Variants in PXDNL observed in about 807,000 individuals in gnomAD.
PXDNL encodes the protein peroxidasin like.
A neutral mutation model predicts 150.8 loss-of-function variants in PXDNL; 145 were observed. The observed-to-expected ratio is 0.96, with a 90% CI of 0.84 to 1.10. PXDNL has a LOEUF of 1.10. PXDNL is among the 50% of genes least tolerant of loss of function. PXDNL has a pLI of 0.00. For missense variants in PXDNL, 2,087 were observed against 1,873.9 expected, an observed-to-expected ratio of 1.11 and a Z score of -2.10; for synonymous variants, 757 against 725.7, an observed-to-expected ratio of 1.04 and a Z score of -0.69.
At chr8:51,459,082 A>G (rs1810005637) in intron 8 of PXDNL, among the ~76,000 whole-genome samples, 1 of 152,246 alleles carries the variant, frequency 6.6e-6, no homozygotes, top group African/African-American at 2.4e-5. Flanking sequence ...GCTCCTATCC[A>G]TATCACCCGT....
chr8:51,652,399 TC>T (rs1815058483), intron 2 of PXDNL, among the ~76,000 whole-genome samples: 5 of 151,360 alleles, frequency 3.3e-5, no homozygotes, highest in African/African-American at 7.3e-5. Flanking sequence ...TCTCTCTCTC[TC>T]TCTCTTACTG....
At chr8:51,582,891 A>T (rs541915469) in intron 3 of PXDNL, among the ~76,000 whole-genome samples, 1 of 149,570 alleles carries the variant, frequency 6.7e-6, no homozygotes, top group African/African-American at 2.5e-5. Context: ...TCAAAAAAAA[A>T]ATCCTGGTAA....
intron 10 of PXDNL, among the ~76,000 whole-genome samples, chr8:51,450,047 G>A (rs966063152): frequency 6.6e-6 from 1 of 152,230 alleles, no homozygotes; most frequent in Non-Finnish European, 1.5e-5. Flanking sequence ...GATTATTTAC[G>A]AGTTTTCTGG....
intron 5 of PXDNL, among the ~76,000 whole-genome samples, chr8:51,493,889 A>T (rs1810966072): frequency 6.6e-6 from 1 of 152,262 alleles, no homozygotes; most frequent in African/African-American, 2.4e-5. Flanking sequence ...TTCCCAATCT[A>T]GCAAGGCAGG....
At chr8:51,732,727 CACA>C (rs1816957988) in intron 1 of PXDNL, among the ~76,000 whole-genome samples, 1 of 152,168 alleles carries the variant, frequency 6.6e-6, no homozygotes, top group Admixed American at 6.5e-5. Flanking sequence ...GAAGCAAAGA[CACA>C]TCTTACATGG....
At chr8:51,373,777 A>G (rs993052427) in intron 18 of PXDNL, among the ~76,000 whole-genome samples, 2 of 152,326 alleles carry the variant, frequency 1.3e-5, no homozygotes, top group Non-Finnish European at 2.9e-5. Context: ...CAGATTCACA[A>G]GATTCCTAGA....
intron 1 of PXDNL, among the ~76,000 whole-genome samples, chr8:51,779,653 G>A (rs1276440957): frequency 3.9e-5 from 6 of 152,202 alleles, no homozygotes; most frequent in African/African-American, 1.4e-4. Flanking sequence ...CCAAGTATGT[G>A]TGCCCATAAA....
At chr8:51,335,570 C>T (rs1247554083) in intron 21 of PXDNL, among the ~76,000 whole-genome samples, 3 of 152,022 alleles carry the variant, frequency 2.0e-5, no homozygotes, top group East Asian at 1.9e-4. Flanking sequence ...TGTAGTACCT[C>T]GAGTACATGC....
At chr8:51,756,345 T>C (rs1365777223) in intron 1 of PXDNL, among the ~76,000 whole-genome samples, 2 of 139,890 alleles carry the variant, frequency 1.4e-5, no homozygotes, top group Admixed American at 7.7e-5. Context: ...TGAGTCCAGA[T>C]AGCATGATTG....
intron 4 of PXDNL, among the ~76,000 whole-genome samples, chr8:51,508,780 G>T (rs1811346498): frequency 6.6e-6 from 1 of 152,210 alleles, no homozygotes; most frequent in South Asian, 2.1e-4. Flanking sequence ...CTGCCTAGTA[G>T]ACAACTCAAA....
intron 1 of PXDNL, among the ~76,000 whole-genome samples, chr8:51,724,043 C>T (rs560135237): frequency 2.3e-4 from 32 of 139,986 alleles, no homozygotes; most frequent in East Asian, 1.5e-3. Flanking sequence ...AGGCATGGAG[C>T]GGAACAGGCC....
At position 51,719,568 on chromosome 8, in the gene PXDNL, C is replaced by T. The variant is rs181439234; in HGVS notation, c.165-64808G>A. Among the ~76,000 whole-genome samples the T allele has an allele frequency of 6.5e-4, 99 of 151,980 alleles. 2 individuals carry two copies. The highest frequency in any genetic ancestry group is 2.2e-3 in the African/African-American group (92 of 41,436). On this transcript the variant is annotated intron_variant, in intron 1 of 22. Coordinates refer to ENST00000356297, the MANE Select transcript of PXDNL (RefSeq NM_144651.5). ...CTTTGTTCACTTGTTTATCTGCTGA[C>T]TTTCCCTCCACTATTGTCCTATGAC...
At chr8:51,354,403 T>C (rs1440233441) in intron 19 of PXDNL, among the ~76,000 whole-genome samples, 3 of 152,106 alleles carry the variant, frequency 2.0e-5, no homozygotes, top group Non-Finnish European at 4.4e-5. Context: ...TGTTGTTTAA[T>C]TGCACCTGCA....
chr8:51,790,219 T>G lies in PXDNL; in HGVS notation c.164+18962A>C, dbSNP rs557303187. On this transcript the variant is annotated intron_variant, in intron 1 of 22. Coordinates refer to ENST00000356297, the MANE Select transcript of PXDNL (RefSeq NM_144651.5). ...TTTCATTAATAGATTTTTTTTTTTTTGCACAAACCTCCATTTCGAAAGAGA... is the reference window on the plus strand; with the variant it reads ...TTTCATTAATAGATTTTTTTTTTTTGGCACAAACCTCCATTTCGAAAGAGA... Among the ~76,000 whole-genome samples the G allele has an allele frequency of 2.1e-5, 3 of 141,716 alleles. 1 individual carries two copies. Among genetic ancestry groups the G allele is most frequent in the African/African-American group, 7.4e-5 (3 of 40,632 alleles). The allele number at this position is 141,716 out of a possible 152,430, so 93.0% of individuals were successfully genotyped here.
intron 1 of PXDNL, among the ~76,000 whole-genome samples, chr8:51,777,864 C>A (rs1221181159): frequency 6.6e-6 from 1 of 152,154 alleles, no homozygotes; most frequent in Non-Finnish European, 1.5e-5. Flanking sequence ...GATTGTGGCA[C>A]TGCACTCCAG....
At chr8:51,517,834 T>A (rs1811577969) in intron 4 of PXDNL, among the ~76,000 whole-genome samples, 1 of 152,154 alleles carries the variant, frequency 6.6e-6, no homozygotes, top group Non-Finnish European at 1.5e-5. Flanking sequence ...TTAATGACTA[T>A]TTTTTTAGCC....
chr8:51,660,980 T>TGGGACACTGTC (rs929297328), intron 1 of PXDNL, among the ~76,000 whole-genome samples: 3 of 152,170 alleles, frequency 2.0e-5, no homozygotes, highest in Non-Finnish European at 4.4e-5. Flanking sequence ...AGGACGGTGC[T>TGGGACACTGTC]GGGACACTGT....
chr8:51,607,355 C>A (rs569171589), intron 2 of PXDNL, among the ~76,000 whole-genome samples: 2 of 152,270 alleles, frequency 1.3e-5, no homozygotes, highest in African/African-American at 2.4e-5. Flanking sequence ...TTCTTTCTTC[C>A]AGAGCCTTCA....
At chr8:51,503,053 G>A (rs1339404378) in intron 4 of PXDNL, among the ~76,000 whole-genome samples, 2 of 151,858 alleles carry the variant, frequency 1.3e-5, no homozygotes, top group African/African-American at 4.8e-5. Flanking sequence ...CATGAGAAAT[G>A]CATAATCTCC....
Sources: allele counts gnomAD v4.1 joint callset (sites outside exome capture counted in the v4.1 genomes callset), GRCh38; gene constraint gnomAD v4.1.1; transcripts MANE v1.5; gene names NCBI Gene and HGNC (gene_info 2026-07-23, HGNC 2026-07-21).